Variants in CCT4 observed in about 807,000 individuals in gnomAD.
The protein encoded by CCT4 is chaperonin containing TCP1 subunit 4, also known as T-complex protein 1 subunit delta.
Under a neutral mutation model 62.5 loss-of-function variants are expected in CCT4, and 17 were observed. The observed-to-expected ratio is 0.27, with a 90% confidence interval of 0.19 to 0.41. The LOEUF is 0.41. Ranked by LOEUF, CCT4 falls within the 10% of genes least tolerant of loss-of-function variation. The probability of loss-of-function intolerance (pLI) is 1.00; values close to 1 mark genes in which losing one functional copy is unlikely to be tolerated. For synonymous variants in CCT4, 250 were observed against 229.9 expected (o/e 1.09, Z -0.79); for missense variants, 592 against 659.2 (o/e 0.90, Z 1.12).
In CCT4 at chr2:61,872,268, T is replaced by C; in HGVS notation, c.1305A>G (p.Arg435=). The C allele has an allele frequency of 6.2e-7, 1 of 1,612,476 alleles. No individual in the cohort carries two copies. The highest frequency in any genetic ancestry group is 1.3e-5 in the African/African-American group (1 of 75,034). ...GGAPEIELAL[R]LTEYSRTLSG... is the part of the protein sequence containing the mutation. The stretch of plus-strand genomic sequence containing the variant: ...TCAGTGTTCGTGAATATTCAGTTAA[T>C]CGTAGGGCCAACTCTATTTCTGGAG... Residue 435 remains arginine, a synonymous_variant, in exon 12 of 14, where the codon CGA becomes CGG. Transcript: ENST00000394440.
chr2:61,884,382 C>T (rs1450356977), intron 2 of CCT4, among the ~76,000 whole-genome samples: 1 of 152,150 alleles, frequency 6.6e-6, no homozygotes, highest in Non-Finnish European at 1.5e-5. Flanking sequence ...CGGCTCACTG[C>T]AACCTCTGCC....
In CCT4 at chr2:61,873,116, GA is replaced by G; in HGVS notation, c.1015-5del. 1 of 1,576,876 alleles carries G rather than the reference GA, an allele frequency of 6.3e-7. No individual in the cohort carries two copies. Among genetic ancestry groups the G allele is most frequent in the Non-Finnish European group, 8.7e-7 (1 of 1,146,306 alleles). ...CAACTGGCTTGGTTCCAATTGTCTGGAAAAAACAGTCAAATCCACAAATTAA... is the reference window on the plus strand; with the variant it reads ...CAACTGGCTTGGTTCCAATTGTCTGGAAAAACAGTCAAATCCACAAATTAA... On this transcript the variant is annotated splice_polypyrimidine_tract_variant and splice_region_variant and intron_variant, in intron 9 of 13. Coordinates refer to ENST00000394440, the MANE Select transcript of CCT4 (RefSeq NM_006430.4).
intron 3 of CCT4, among the ~76,000 whole-genome samples, chr2:61,882,837 C>G (rs1465401104): frequency 6.7e-6 from 1 of 150,116 alleles, no homozygotes; most frequent in Admixed American, 6.6e-5. Context: ...GGGTTTCACT[C>G]TGTCACTCAG....
intron 8 of CCT4, among the ~76,000 whole-genome samples, chr2:61,875,108 T>C (rs940034503): frequency 6.7e-6 from 1 of 148,408 alleles, no homozygotes; most frequent in African/African-American, 2.5e-5. Flanking sequence ...CACCATTGAT[T>C]CCAGCCTGGG....
chr2:61,871,561 A>G (rs1668884027), intron 12 of CCT4, among the ~76,000 whole-genome samples: 1 of 152,196 alleles, frequency 6.6e-6, no homozygotes, highest in South Asian at 2.1e-4. Flanking sequence ...TACCATACAG[A>G]CAATATAAAG....
intron 4 of CCT4, among the ~76,000 whole-genome samples, chr2:61,879,836 G>T (rs1395184709): frequency 6.6e-6 from 1 of 151,216 alleles, no homozygotes; most frequent in South Asian, 2.1e-4. Context: ...TCTACCTCCC[G>T]GGTTCAAGTG....
chr2:61,878,935 A>C lies in CCT4; in HGVS notation c.456T>G (p.Ser152=), dbSNP rs779065208. Residue 152 remains serine (S), a synonymous_variant, in exon 5 of 14, where the codon TCT becomes TCG. Coordinates refer to ENST00000394440, the MANE Select transcript of CCT4 (RefSeq NM_006430.4). ...EKGIEILTDM[S]RPVELSDRET... ...CTCTGTCACTCAGTTCCACAGGTCG[A>C]GACATGTCAGTCAAGATTTCAATGC... 1.2e-6 allele frequency: 2 copies of C among 1,609,838 alleles called. No individual in the cohort carries two copies. Among genetic ancestry groups the C allele is most frequent in the African/African-American group, 2.7e-5 (2 of 74,864 alleles).
chr2:61,879,747 CTTTT>C (rs543427076), intron 4 of CCT4, among the ~76,000 whole-genome samples: 1 of 144,556 alleles, frequency 6.9e-6, no homozygotes, highest in East Asian at 2.0e-4. Flanking sequence ...CCACTCATTT[CTTTT>C]TTTTTTTTTG....
intron 7 of CCT4, among the ~76,000 whole-genome samples, chr2:61,876,710 G>T (rs1358453148): frequency 6.6e-6 from 1 of 152,168 alleles, no homozygotes; most frequent in Non-Finnish European, 1.5e-5. Flanking sequence ...AGGCATCGTT[G>T]CAAATGGCTA....
Position 61,873,251 on chromosome 2 carries a change from C to A in CCT4, c.960G>T (p.Met320Ile). Residue 320 changes from methionine (M) to isoleucine (I), a missense_variant, in exon 9 of 14, where the codon ATG becomes ATT. Physicochemically the swap from Met to Ile is conservative, Grantham distance 10. Coordinates refer to ENST00000394440, the MANE Select transcript of CCT4 (RefSeq NM_006430.4). Reference sequence around the variant, plus strand: ...CAATATCCTTAATCACCATGATCTTCATTTTATTCAGAAAGTGTAATGCAA... The same window carrying A: ...CAATATCCTTAATCACCATGATCTTAATTTTATTCAGAAAGTGTAATGCAA... Reference protein sequence around the residue: ...SDLALHFLNKMKIMVIKDIER... With the variant: ...SDLALHFLNKIKIMVIKDIER... 6.5e-7 allele frequency: 1 copy of A among 1,541,684 alleles called. No individual in the cohort carries two copies. Among genetic ancestry groups the A allele is most frequent in the Non-Finnish European group, 9.0e-7 (1 of 1,114,618 alleles).
rs146850149 is a variant in CCT4, at chr2:61,874,471, G to A, written c.918-1178C>T. On this transcript the variant is annotated intron_variant, in intron 8 of 13. Coordinates refer to ENST00000394440, the MANE Select transcript of CCT4 (RefSeq NM_006430.4). Reference sequence around the variant, plus strand: ...TCATTTCTACAAAAATTAGCCAGGCGTGGTGGCACGTGACTGTAATCCCAA... The same window carrying A: ...TCATTTCTACAAAAATTAGCCAGGCATGGTGGCACGTGACTGTAATCCCAA... 1.5e-3 allele frequency among the ~76,000 whole-genome samples: 226 copies of A among 152,130 alleles called. 4 individuals are homozygous for A. In the East Asian group the frequency reaches 0.026, roughly 18 times the overall value.
At chr2:61,879,515 T>A (rs1184159623) in intron 4 of CCT4, among the ~76,000 whole-genome samples, 1 of 150,938 alleles carries the variant, frequency 6.6e-6, no homozygotes, top group African/African-American at 2.4e-5. Flanking sequence ...TGGGCTCAAT[T>A]GTTCTGCCAG....
At chr2:61,885,197 C>T in intron 1 of CCT4, 125 bp from the exon 2 acceptor site, 1 of 581,054 alleles carries the variant, frequency 1.7e-6, no homozygotes. Flanking sequence ...CCACCTCAGC[C>T]TCCCAGAATA....
chr2:61,887,292 T>C (rs1669277440), intron 1 of CCT4, among the ~76,000 whole-genome samples: 1 of 152,226 alleles, frequency 6.6e-6, no homozygotes, highest in Non-Finnish European at 1.5e-5. Context: ...TCCCAGTTAC[T>C]TGGGCTGATG....
chr2:61,888,469 G>C lies in CCT4; in HGVS notation c.39C>G (p.Ala13=). Residue 13 remains alanine (A), a synonymous_variant, in exon 1 of 14, where the codon GCC becomes GCG. Transcript: ENST00000394440. ...CTTTCCCGCGGCCGCCGGCAGCCCC[G>C]GCAGTCGCCCCGCTCCGGGGTGCCA... ...ENVAPRSGAT[A]GAAGGRGKGA... 6.2e-7 allele frequency: 1 copy of C among 1,611,980 alleles called. No individual in the cohort carries two copies. The highest frequency in any genetic ancestry group is 2.2e-5 in the East Asian group (1 of 44,838).
intron 12 of CCT4, among the ~76,000 whole-genome samples, chr2:61,869,955 A>C (rs1668850335): frequency 6.6e-6 from 1 of 150,804 alleles, no homozygotes; most frequent in Non-Finnish European, 1.5e-5. Flanking sequence ...TATTGGCAAA[A>C]TTAGCAAAAT....
chr2:61,877,939 A>T (rs1669035589), intron 5 of CCT4, among the ~76,000 whole-genome samples: 1 of 152,222 alleles, frequency 6.6e-6, no homozygotes, highest in Non-Finnish European at 1.5e-5. Flanking sequence ...TGGTCTTAGA[A>T]CTTTACATAT....
rs766872925 is a variant in CCT4, at chr2:61,876,920, G to A, written c.777C>T (p.Asp259=). The change falls in exon 7 of 14, where the codon GAC becomes GAT. Residue 259 remains aspartate, a splice_region_variant and synonymous_variant. Coordinates refer to ENST00000394440, the MANE Select transcript of CCT4 (RefSeq NM_006430.4). ...CCAATTTCATTTGGATTCTACTTAC[G>A]TCTGTTTTGGGAGCAGATAAGCAAA... ...IQFCLSAPKT[D]MDNQIVVSDY... is the part of the protein sequence containing the mutation. 1.1e-5 allele frequency: 18 copies of A among 1,605,700 alleles called. No individual in the cohort carries two copies. Among genetic ancestry groups the A allele is most frequent in the Non-Finnish European group, 1.4e-5 (17 of 1,177,266 alleles).
chr2:61,870,991 G>A (rs1668872295), intron 12 of CCT4, among the ~76,000 whole-genome samples: 1 of 150,916 alleles, frequency 6.6e-6, no homozygotes, highest in East Asian at 2.0e-4. Context: ...AAAAAAAAAT[G>A]GCTGGCTCAA....
Sources: allele counts gnomAD v4.1 joint callset (sites outside exome capture counted in the v4.1 genomes callset), GRCh38; gene constraint gnomAD v4.1.1; transcripts MANE v1.5; gene names NCBI Gene and HGNC (gene_info 2026-07-23, HGNC 2026-07-21).